VPS39: variants seen among roughly 807,000 people sequenced by gnomAD.
VPS39 encodes vam6/Vps39-like protein.
A neutral mutation model predicts 121.0 loss-of-function variants in VPS39; 70 were observed. The observed-to-expected ratio is 0.58, with a 90% CI of 0.48 to 0.71. The LOEUF (loss-of-function observed/expected upper bound fraction) is 0.71. Ranked by LOEUF, VPS39 falls within the 30% of genes least tolerant of loss-of-function variation. The pLI, the probability that VPS39 is intolerant of heterozygous loss-of-function variation, is 0.00. For synonymous variants in VPS39, 378 were observed against 398.1 expected (o/e 0.95, Z 0.60); for missense variants, 818 against 1,051.5 (o/e 0.78, Z 3.07).
intron 8 of VPS39, among the ~76,000 whole-genome samples, chr15:42,181,392 G>C (rs1283437805): frequency 6.6e-6 from 1 of 152,082 alleles, no homozygotes; most frequent in East Asian, 1.9e-4. Context: ...TGGCTTCAGG[G>C]ACTGGAGGGA....
In VPS39 at chr15:42,167,445, C is replaced by G. The variant is rs1197664857; in HGVS notation, c.1326G>C (p.Lys442Asn). The change falls in exon 13 of 25, where the codon AAG (lysine) becomes AAC (asparagine). Residue 442 changes from lysine (K) to asparagine (N), a missense_variant. By Grantham distance (94) the Lys-to-Asn change is moderately conservative. Transcript: ENST00000318006. Reference protein sequence around the residue: ...LMEGTPTIKSKKKLLQIIDTT... With the variant: ...LMEGTPTIKSNKKLLQIIDTT... ...TGTCGATGATTTGTAGCAGCTTCTT[C>G]TTGGATTTGATGGTGGGAGTGCCTT... 1 of 1,614,174 alleles carries G rather than the reference C, an allele frequency of 6.2e-7. No individual in the cohort carries two copies.
chr15:42,187,790 A>G lies in VPS39; in HGVS notation c.409T>C (p.Phe137Leu), dbSNP rs2049734852. ...VAVKKKLQLY[F>L]WKDREFHELQ... ...TCATGAAATTCCCTGTCCTTCCAGAAATAGAGCTGCAGCTTCTTTTTTACT... is the reference window on the plus strand; with the variant it reads ...TCATGAAATTCCCTGTCCTTCCAGAGATAGAGCTGCAGCTTCTTTTTTACT... Residue 137 changes from phenylalanine to leucine, a missense_variant, in exon 6 of 25, where the codon TTC becomes CTC. Physicochemically the swap from Phe to Leu is conservative, Grantham distance 22 (BLOSUM62 0). Transcript: ENST00000318006. 1 of 1,614,034 alleles carries G rather than the reference A, an allele frequency of 6.2e-7. No individual in the cohort carries two copies. Among genetic ancestry groups the G allele is most frequent in the Non-Finnish European group, 8.5e-7 (1 of 1,180,028 alleles).
At chr15:42,207,918 T>C (rs773399158) in intron 1 of VPS39, among the ~76,000 whole-genome samples, 163 bp downstream of exon 1, 2 of 152,252 alleles carry the variant, frequency 1.3e-5, no homozygotes, top group African/African-American at 2.4e-5. Flanking sequence ...TCGATGTCTA[T>C]AGCCGGTGGT....
intron 12 of VPS39, among the ~76,000 whole-genome samples, 177 bp downstream of exon 12, chr15:42,169,547 C>G (rs1057433835): frequency 1.3e-5 from 2 of 152,132 alleles, no homozygotes; most frequent in African/African-American, 4.8e-5. Flanking sequence ...AAAACCCCAC[C>G]TCAATGGTAC....
intron 2 of VPS39, among the ~76,000 whole-genome samples, chr15:42,194,819 G>A (rs758520926): frequency 4.0e-5 from 6 of 149,902 alleles, no homozygotes; most frequent in Admixed American, 1.3e-4. Context: ...TGTTTTTTTC[G>A]TTTTTTTAAA....
chr15:42,192,038 T>C (rs1051712055), intron 2 of VPS39: 1 of 1,536,182 alleles, frequency 6.5e-7, no homozygotes, highest in Admixed American at 2.0e-5. Flanking sequence ...TCTCCAGAGC[T>C]AAAGCAATTC....
At chr15:42,197,910 T>G (rs1485518545) in intron 2 of VPS39, among the ~76,000 whole-genome samples, 1 of 152,226 alleles carries the variant, frequency 6.6e-6, no homozygotes, top group African/African-American at 2.4e-5. Context: ...AGGCCAGATC[T>G]GGGCCAGAAC....
At chr15:42,161,301 C>T (rs1365047724) in intron 24 of VPS39, 1 of 386,208 alleles carries the variant, frequency 2.6e-6, no homozygotes, top group Admixed American at 3.6e-5. Context: ...ATGAGTCTGG[C>T]TCAGGATCCT....
At chr15:42,195,741 C>T (rs2049923282) in intron 2 of VPS39, among the ~76,000 whole-genome samples, 1 of 152,172 alleles carries the variant, frequency 6.6e-6, no homozygotes, top group South Asian at 2.1e-4. Flanking sequence ...AATGGCCATA[C>T]TGCCCAAGGT....
intron 2 of VPS39, chr15:42,192,109 A>T: frequency 6.5e-7 from 1 of 1,536,290 alleles, no homozygotes; most frequent in Non-Finnish European, 8.7e-7. Context: ...CTGTTACAAA[A>T]AAGGGGAAGA....
intron 10 of VPS39, among the ~76,000 whole-genome samples, chr15:42,175,140 G>A (rs556698091): frequency 5.3e-5 from 8 of 152,210 alleles, no homozygotes; most frequent in East Asian, 1.9e-4. Flanking sequence ...TGGGCCGGGC[G>A]CGGTAGCTCA....
chr15:42,189,493 C>G lies in VPS39; in HGVS notation c.248-285G>C, dbSNP rs541262332. ...CCTGTCATCCCAGCACTTTGGGAGG[C>G]TGAGACAGGCAGATCACTTGAGGTC... On this transcript the variant is annotated intron_variant, in intron 4 of 24. Coordinates refer to ENST00000318006, the MANE Select transcript of VPS39 (RefSeq NM_015289.5). 2.6e-5 allele frequency among the ~76,000 whole-genome samples: 4 copies of G among 152,240 alleles called. No homozygotes were observed. The East Asian group carries it at 7.7e-4, about 29-fold the overall frequency.
chr15:42,204,386 A>G (rs925429369), intron 1 of VPS39, among the ~76,000 whole-genome samples: 4 of 152,228 alleles, frequency 2.6e-5, no homozygotes, highest in Non-Finnish European at 5.9e-5. Context: ...AAAGTGGCTC[A>G]CGCCTGTAAT....
Position 42,178,356 on chromosome 15 carries a change from A to G in VPS39, c.840-18T>C. On this transcript the variant is annotated intron_variant, in intron 9 of 24. Coordinates refer to ENST00000318006, the MANE Select transcript of VPS39 (RefSeq NM_015289.5). ...TGTTTGATCTGGAAGCAAGAGTAAGAATATTAGCAAAAGATCACAGGCTTT... is the reference window on the plus strand; with the variant it reads ...TGTTTGATCTGGAAGCAAGAGTAAGGATATTAGCAAAAGATCACAGGCTTT... The G allele has an allele frequency of 1.2e-6, 2 of 1,614,150 alleles. No homozygotes were observed. The highest frequency in any genetic ancestry group is 2.2e-5 in the South Asian group (2 of 91,082).
intron 17 of VPS39, 114 bp from the exon 18 acceptor site, chr15:42,165,227 G>T: frequency 1.0e-6 from 1 of 982,176 alleles, no homozygotes; most frequent in Non-Finnish European, 1.6e-6. Flanking sequence ...TCCCCTAATC[G>T]GGCTGCAAAG....
chr15:42,163,830 G>T, intron 19 of VPS39, 102 bp from the exon 20 acceptor site: 2 of 758,826 alleles, frequency 2.6e-6, no homozygotes, highest in East Asian at 2.8e-5. Context: ...ATAAAGGGAA[G>T]ACAATAGGAT....
chr15:42,169,840 G>C lies in VPS39; in HGVS notation c.1117C>G (p.Pro373Ala). The change falls in exon 12 of 25, where the codon CCT becomes GCT. Residue 373 changes from proline to alanine, a missense_variant. Physicochemically the swap from Pro to Ala is conservative, Grantham distance 27. Coordinates refer to ENST00000318006, the MANE Select transcript of VPS39 (RefSeq NM_015289.5). ...TDPTHVMGLY[P>A]DLLPTDYRKQ... Reference sequence around the variant, plus strand: ...CTGTAGTCTGTGGGCAGCAGGTCAGGGTACAGGCCCATCACATGGGTGGGA... The same window carrying C: ...CTGTAGTCTGTGGGCAGCAGGTCAGCGTACAGGCCCATCACATGGGTGGGA... The C allele has an allele frequency of 6.2e-7, 1 of 1,613,966 alleles. No homozygotes were observed. The highest frequency in any genetic ancestry group is 8.5e-7 in the Non-Finnish European group (1 of 1,180,000).
chr15:42,192,790 T>C (rs577968284), intron 2 of VPS39, among the ~76,000 whole-genome samples: 1 of 152,198 alleles, frequency 6.6e-6, no homozygotes, highest in Non-Finnish European at 1.5e-5. Flanking sequence ...TTGTTTTGTT[T>C]TTTTTTGAGA....
Position 42,164,500 on chromosome 15 carries a change from C to T in VPS39, c.1898-14G>A. 1 of 1,613,416 alleles carries T rather than the reference C, an allele frequency of 6.2e-7. No homozygotes were observed. Among genetic ancestry groups the T allele is most frequent in the Non-Finnish European group, 8.5e-7 (1 of 1,179,852 alleles). ...CTGGGGTTTTGCCTTTAAGGGAAAC[C>T]AAGCTCAAAATGAAAGGACACTGCC... On this transcript the variant is annotated splice_polypyrimidine_tract_variant and intron_variant, in intron 18 of 24. Coordinates refer to ENST00000318006, the MANE Select transcript of VPS39 (RefSeq NM_015289.5).
Sources: allele counts gnomAD v4.1 joint callset (sites outside exome capture counted in the v4.1 genomes callset), GRCh38; gene constraint gnomAD v4.1.1; transcripts MANE v1.5; gene names NCBI Gene and HGNC (gene_info 2026-07-23, HGNC 2026-07-21).